MYLK4: variants seen among roughly 807,000 people sequenced by gnomAD.
MYLK4 encodes the protein myosin light chain kinase family member 4.
A neutral mutation model predicts 48.1 loss-of-function variants in MYLK4; 46 were observed. The observed-to-expected ratio is 0.96, with a 90% CI of 0.75 to 1.22. The LOEUF (loss-of-function observed/expected upper bound fraction) is 1.22. MYLK4 is among the 50% of genes most tolerant of loss of function. The pLI is 0.00. For missense variants in MYLK4, 451 were observed against 486.1 expected, an observed-to-expected ratio of 0.93 and a Z score of 0.68; for synonymous variants, 170 against 180.8, an observed-to-expected ratio of 0.94 and a Z score of 0.48.
chr6:2,666,221 G>T lies in MYLK4; in HGVS notation c.*1704C>A, dbSNP rs1446303174. The T allele has an allele frequency of 6.6e-6, 1 of 152,138 alleles. No individual in the cohort carries two copies. The highest frequency in any genetic ancestry group is 1.5e-5 in the Non-Finnish European group (1 of 68,028). The allele number at this position is 152,138 out of a possible 1,614,324, so 9.4% of individuals were successfully genotyped here. A position where few individuals can be genotyped will look rare whatever the true frequency, so the allele number is the denominator to read the frequency against. ...GCATGCTGTAAGGATTCCTTAAGTG[G>T]ATCTGAGAGATAATGGGGGAAAGCT... On this transcript the variant is annotated 3_prime_UTR_variant, in exon 13 of 13. Coordinates refer to ENST00000274643, the MANE Select transcript of MYLK4 (RefSeq NM_001012418.5).
chr6:2,701,293 A>G lies in MYLK4; in HGVS notation c.160-8434T>C, dbSNP rs117819186. On this transcript the variant is annotated intron_variant, in intron 2 of 12. Coordinates refer to ENST00000274643, the MANE Select transcript of MYLK4 (RefSeq NM_001012418.5). ...TTTTAAGATCATTTTTTATCACTTCATCTCCTGTCTCCCACTCTGAGCCTA... is the reference window on the plus strand; with the variant it reads ...TTTTAAGATCATTTTTTATCACTTCGTCTCCTGTCTCCCACTCTGAGCCTA... 3.3e-5 allele frequency among the ~76,000 whole-genome samples: 5 copies of G among 151,910 alleles called. 1 individual carries two copies. The East Asian group carries it at 9.7e-4, about 29-fold the overall frequency.
chr6:2,675,349 A>C (rs946154409), intron 10 of MYLK4, among the ~76,000 whole-genome samples: 1 of 152,232 alleles, frequency 6.6e-6, no homozygotes, highest in African/African-American at 2.4e-5. Context: ...CAAATAATAA[A>C]AATTCTTGTT....
chr6:2,761,698 C>G, the MYLK4 span, among the ~76,000 whole-genome samples: 346 of 152,248 alleles, frequency 2.3e-3, 3 homozygotes, highest in African/African-American at 8.0e-3. Flanking sequence ...ACACTATGGA[C>G]AGCTCAAAAC....
At chr6:2,691,076 T>C (rs1446609364) in intron 3 of MYLK4, among the ~76,000 whole-genome samples, 1 of 152,144 alleles carries the variant, frequency 6.6e-6, no homozygotes, top group Non-Finnish European at 1.5e-5. Context: ...GTGATCCAAC[T>C]GCCTCAGCCT....
chr6:2,749,551 T>C (rs77022879), intron 1 of MYLK4, 145 bp from the exon 2 acceptor site: 1 of 331,680 alleles, frequency 3.0e-6, no homozygotes. Context: ...CTAACATTCA[T>C]ATTGAGTTTC....
At chr6:2,697,535 T>G (rs530689728) in intron 2 of MYLK4, among the ~76,000 whole-genome samples, 8 of 152,334 alleles carry the variant, frequency 5.3e-5, no homozygotes, top group South Asian at 2.1e-4. Context: ...GCTCTCGCCC[T>G]GCGTCACAGA....
At chr6:2,724,275 T>G (rs1161861346) in intron 2 of MYLK4, among the ~76,000 whole-genome samples, 1 of 152,218 alleles carries the variant, frequency 6.6e-6, no homozygotes, top group Non-Finnish European at 1.5e-5. Context: ...GACTGCTTAG[T>G]CATTGTCACC....
intron 11 of MYLK4, among the ~76,000 whole-genome samples, chr6:2,671,953 T>C (rs528124883): frequency 5.3e-5 from 8 of 152,142 alleles, no homozygotes; most frequent in Admixed American, 3.9e-4. Flanking sequence ...TGCAACCGGG[T>C]TGGGTCTAGT....
chr6:2,759,888 A>G, the MYLK4 span, among the ~76,000 whole-genome samples: 1 of 152,338 alleles, frequency 6.6e-6, no homozygotes, highest in South Asian at 2.1e-4. Context: ...TTTATAAGAT[A>G]CAGAGAACTG....
intron 7 of MYLK4, among the ~76,000 whole-genome samples, chr6:2,682,131 C>T (rs1761331657): frequency 6.6e-6 from 1 of 152,120 alleles, no homozygotes; most frequent in South Asian, 2.1e-4. Context: ...TTTCAGGAGG[C>T]TAAATTTATT....
chr6:2,704,613 G>A (rs1484694657), intron 2 of MYLK4, among the ~76,000 whole-genome samples: 1 of 152,154 alleles, frequency 6.6e-6, no homozygotes, highest in Non-Finnish European at 1.5e-5. Context: ...GCTTTAACAT[G>A]TTTGCCCAGA....
the MYLK4 span, among the ~76,000 whole-genome samples, chr6:2,762,902 A>C: frequency 1.3e-5 from 2 of 152,172 alleles, no homozygotes; most frequent in Non-Finnish European, 2.9e-5. Flanking sequence ...AAATAAAGCT[A>C]CAAGTCTCCA....
intron 2 of MYLK4, among the ~76,000 whole-genome samples, chr6:2,696,451 A>G (rs2113195357): frequency 6.6e-6 from 1 of 152,350 alleles, no homozygotes; most frequent in Middle Eastern, 3.4e-3. Context: ...GTCCTCATGA[A>G]TGGGATTAGT....
chr6:2,740,747 A>T (rs1172576874), intron 2 of MYLK4, among the ~76,000 whole-genome samples: 1 of 152,092 alleles, frequency 6.6e-6, no homozygotes, highest in Non-Finnish European at 1.5e-5. Context: ...CATAAACTTT[A>T]CCTGTTCCTC....
At chr6:2,706,310 C>T (rs867671073) in intron 2 of MYLK4, among the ~76,000 whole-genome samples, 5 of 150,772 alleles carry the variant, frequency 3.3e-5, no homozygotes, top group South Asian at 2.1e-4. Context: ...GGTATCAGGT[C>T]GCTATAGTGA....
chr6:2,683,212 A>G, intron 6 of MYLK4, 50 bp from the exon 7 acceptor site: 1 of 1,606,088 alleles, frequency 6.2e-7, no homozygotes, highest in Non-Finnish European at 8.5e-7. Flanking sequence ...CCTTACCACC[A>G]TGTGCTTTTC....
At chr6:2,704,898 C>A (rs916729838) in intron 2 of MYLK4, among the ~76,000 whole-genome samples, 1 of 152,208 alleles carries the variant, frequency 6.6e-6, no homozygotes, top group African/African-American at 2.4e-5. Context: ...AATTATACAT[C>A]ATATCCATCA....
chr6:2,766,288 A>T, the MYLK4 span: 8 of 1,598,142 alleles, frequency 5.0e-6, no homozygotes, highest in African/African-American at 2.7e-5. Context: ...GACAGATGCT[A>T]CAGGGCAAGC....
chr6:2,742,253 G>A (rs906005883), intron 2 of MYLK4, among the ~76,000 whole-genome samples: 2 of 152,188 alleles, frequency 1.3e-5, no homozygotes, highest in African/African-American at 2.4e-5. Context: ...CAGGCCATGC[G>A]GAAAGGCTGA....
Sources: allele counts gnomAD v4.1 joint callset (sites outside exome capture counted in the v4.1 genomes callset), GRCh38; gene constraint gnomAD v4.1.1; transcripts MANE v1.5; gene names NCBI Gene and HGNC (gene_info 2026-07-23, HGNC 2026-07-21).